Variants in ZNF692 observed in about 807,000 individuals in gnomAD.
The protein encoded by ZNF692 is zinc finger protein 692.
Under a neutral mutation model 49.0 loss-of-function variants are expected in ZNF692, and 41 were observed. The ratio of observed to expected loss-of-function variants is 0.84; its 90% CI spans 0.65 to 1.08. ZNF692 has a LOEUF of 1.08. Ranked by LOEUF, ZNF692 falls within the 50% of genes least tolerant of loss-of-function variation. The pLI, the probability that ZNF692 is intolerant of heterozygous loss-of-function variation, is 0.00. For missense variants in ZNF692, 662 were observed against 662.2 expected (o/e 1.00, Z 0.00); for synonymous variants, 288 against 251.5 (o/e 1.15, Z -1.37).
Position 248,858,049 on chromosome 1 carries a change from G to A in ZNF692, c.179+82C>T, listed in dbSNP as rs763689222. On this transcript the variant is annotated intron_variant, in intron 2 of 11. Coordinates refer to ENST00000306601, the MANE Select transcript of ZNF692 (RefSeq NM_017865.4). This position sits in a 1 kb window ranked among gnomAD's most constrained non-coding sequence, Gnocchi z 4.3. ...AAGTGAGAAACCTGAGGGTGGAAAA[G>A]AGCAGCAGGACAGGCCCTGGAGAGG... The A allele has an allele frequency of 3.9e-6, 6 of 1,550,468 alleles. No homozygotes were observed. The South Asian group carries it at 5.8e-5, about 15-fold the overall frequency.
chr1:248,855,585 G>A lies in ZNF692; in HGVS notation c.932C>T (p.Thr311Ile). 6.2e-7 allele frequency: 1 copy of A among 1,614,184 alleles called. No homozygotes were observed. Among genetic ancestry groups the A allele is most frequent in the Non-Finnish European group, 8.5e-7 (1 of 1,180,034 alleles). Residue 311 changes from threonine (T) to isoleucine (I), a missense_variant, in exon 8 of 12, where the codon ACT becomes ATT. Physicochemically the swap from Thr to Ile is moderately conservative, Grantham distance 89. Coordinates refer to ENST00000306601, the MANE Select transcript of ZNF692 (RefSeq NM_017865.4). Reference protein sequence around the residue: ...SAPTPAWDEDTAQIGPKRIRK... With the variant: ...SAPTPAWDEDIAQIGPKRIRK... ...AATTCTCTTGGGGCCAATTTGTGCA[G>A]TGTCCTCATCCCAGGCCGGGGTTGG...
At position 248,858,531 on chromosome 1, in the gene ZNF692, G is replaced by A; in HGVS notation, c.-12-210C>T. 6.4e-7 allele frequency: 1 copy of A among 1,551,764 alleles called. No homozygotes were observed. The highest frequency in any genetic ancestry group is 8.7e-7 in the Non-Finnish European group (1 of 1,147,004). On this transcript the variant is annotated intron_variant, in intron 1 of 11. Transcript: ENST00000306601. This position sits in a 1 kb window ranked among gnomAD's most constrained non-coding sequence, Gnocchi z 4.3. ...CGCTACCATGTGAGTGTCGTCGGGTGGGAGGCAGGCAGACAGAAGCAGTCA... is the reference window on the plus strand; with the variant it reads ...CGCTACCATGTGAGTGTCGTCGGGTAGGAGGCAGGCAGACAGAAGCAGTCA...
intron 10 of ZNF692, among the ~76,000 whole-genome samples, chr1:248,852,653 T>C (rs1009281568): frequency 6.6e-6 from 1 of 152,222 alleles, no homozygotes; most frequent in African/African-American, 2.4e-5. Context: ...TCTTGTCAGT[T>C]CCATCTTGTC....
At position 248,850,361 on chromosome 1, in the gene ZNF692, C is replaced by G. The variant is rs540006971; in HGVS notation, c.1409G>C (p.Ser470Thr). The change falls in exon 12 of 12, where the codon AGT becomes ACT. Residue 470 changes from serine to threonine, a missense_variant. By Grantham distance (58) the Ser-to-Thr change is moderately conservative. Transcript: ENST00000306601. The stretch of plus-strand genomic sequence containing the variant: ...AGGGGCTAGAAGCAGGGCTGGGTGA[C>G]TTTTGCTACGGTGGGCTGCAACACT... The part of the protein sequence containing the change: ...PDSVAAHRSK[S>T]HPALLLAPQE... 3 of 1,614,108 alleles carry G rather than the reference C, an allele frequency of 1.9e-6. No individual in the cohort carries two copies. In the African/African-American group the frequency reaches 4.0e-5, roughly 22 times the overall value.
Position 248,857,295 on chromosome 1 carries a change from G to C in ZNF692, c.414C>G (p.Ser138=). The C allele has an allele frequency of 6.2e-7, 1 of 1,614,168 alleles. No individual in the cohort carries two copies. The highest frequency in any genetic ancestry group is 8.5e-7 in the Non-Finnish European group (1 of 1,180,016). Residue 138 remains serine, a synonymous_variant, in exon 4 of 12, where the codon TCC becomes TCG. Transcript: ENST00000306601. ...PTPSEAPKPA[S]LPHTTRRSWC... ...AACTTCTCCGAGTAGTATGTGGAAGGGAGGCTGGCTTGGGTGCCTCTGAAG... is the reference window on the plus strand; with the variant it reads ...AACTTCTCCGAGTAGTATGTGGAAGCGAGGCTGGCTTGGGTGCCTCTGAAG...
rs753123887 is a variant in ZNF692, at chr1:248,850,245, A to C, written c.1525T>G (p.Ser509Ala). The change falls in exon 12 of 12, where the codon TCT becomes GCT. Residue 509 changes from serine (S) to alanine (A), a missense_variant. Transcript: ENST00000306601. ...GGAAGCAGGGTTGGAGCCTGAGGAGATGCAGAGGGCCTGGACCCCTCGCTG... is the reference window on the plus strand; with the variant it reads ...GGAAGCAGGGTTGGAGCCTGAGGAGCTGCAGAGGGCCTGGACCCCTCGCTG... Reference protein sequence around the residue: ...GSSEGSRPSASPQAPTLLPQQ With the variant: ...GSSEGSRPSAAPQAPTLLPQQ 2 of 1,556,914 alleles carry C rather than the reference A, an allele frequency of 1.3e-6. No individual in the cohort carries two copies. The highest frequency in any genetic ancestry group is 1.2e-5 in the South Asian group (1 of 82,758).
At chr1:248,854,173 C>T in intron 9 of ZNF692, 122 bp from the exon 10 acceptor site, 1 of 699,514 alleles carries the variant, frequency 1.4e-6, no homozygotes, top group Non-Finnish European at 2.5e-6. Flanking sequence ...CCCTGTGCCC[C>T]AGCAGTTCTC....
chr1:248,852,721 T>C (rs1196175138), intron 10 of ZNF692, among the ~76,000 whole-genome samples: 4 of 152,234 alleles, frequency 2.6e-5, no homozygotes, highest in Non-Finnish European at 5.9e-5. Flanking sequence ...ACATTTGGCC[T>C]GTCGCACTAG....
At chr1:248,857,207 C>G (rs1660341108) in intron 4 of ZNF692, 27 bp downstream of exon 4, 1 of 1,597,560 alleles carries the variant, frequency 6.3e-7, no homozygotes, top group Non-Finnish European at 8.5e-7. Context: ...TCCCTTTTCT[C>G]CATAACTCTG....
chr1:248,857,700 C>T, intron 3 of ZNF692, 128 bp downstream of exon 3: 5 of 1,496,654 alleles, frequency 3.3e-6, no homozygotes, highest in Non-Finnish European at 4.5e-6. Context: ...ATCAAACTAC[C>T]CTGTGCTCCC....
intron 10 of ZNF692, chr1:248,851,053 G>A (rs1659523248): frequency 1.7e-6 from 1 of 605,346 alleles, no homozygotes; most frequent in African/African-American, 1.8e-5. Context: ...ATGAACTCCT[G>A]ATGGAAGTGC....
rs369665168 is a variant in ZNF692 at position 248,850,771 on chromosome 1, G to C, written c.1164C>G (p.Asp388Glu). ...ACCGGGCGCAGAACTCACAGATGTA[G>C]TCCCGGGTGTCTGCAGGCATATGAG... ...EHMKLHSDTR[D>E]YICEFCARSF... Residue 388 changes from aspartate (D) to glutamate (E), a missense_variant, in exon 11 of 12, where the codon GAC becomes GAG. Transcript: ENST00000306601. 2 of 1,614,068 alleles carry C rather than the reference G, an allele frequency of 1.2e-6. No individual in the cohort carries two copies. The highest frequency in any genetic ancestry group is 2.7e-5 in the African/African-American group (2 of 75,004).
Position 248,852,129 on chromosome 1 carries a change from A to C in ZNF692, c.1154-1348T>G, listed in dbSNP as rs113922913. On this transcript the variant is annotated intron_variant, in intron 10 of 11. Coordinates refer to ENST00000306601, the MANE Select transcript of ZNF692 (RefSeq NM_017865.4). ...TTGGCCACTCTTTTCATCTAAAACC[A>C]CAAGTCTTAAGGCCGCCTTCTTGCC... is the stretch of plus-strand genomic sequence containing the variant. Among the ~76,000 whole-genome samples, 951 of 152,256 alleles carry C rather than the reference A, an allele frequency of 6.2e-3. 15 individuals are homozygous for C. The highest frequency in any genetic ancestry group is 0.022 in the African/African-American group (894 of 41,534).
At chr1:248,850,821 C>T (rs1166359803) in intron 10 of ZNF692, 40 bp from the exon 11 acceptor site, 2 of 1,586,122 alleles carry the variant, frequency 1.3e-6, no homozygotes, top group Non-Finnish European at 8.6e-7. Flanking sequence ...CTGCCCCCAC[C>T]CTGTGGCCCC....
chr1:248,856,481 A>G (rs756749278), intron 5 of ZNF692, 33 bp downstream of exon 5: 2 of 1,614,090 alleles, frequency 1.2e-6, no homozygotes, highest in South Asian at 2.2e-5. Flanking sequence ...CACCTATGCA[A>G]TTCCGCCTTT....
intron 10 of ZNF692, among the ~76,000 whole-genome samples, chr1:248,853,654 C>G (rs181889542): frequency 6.6e-5 from 10 of 152,358 alleles, no homozygotes; most frequent in Admixed American, 6.5e-4. Context: ...TTCTTCATAG[C>G]CCTGTATCAC....
At chr1:248,856,127 T>A in intron 6 of ZNF692, 161 bp downstream of exon 6, 1 of 1,301,264 alleles carries the variant, frequency 7.7e-7, no homozygotes, top group Non-Finnish European at 1.0e-6. Flanking sequence ...TCACCCCTTT[T>A]CACCCCCTCA....
intron 10 of ZNF692, among the ~76,000 whole-genome samples, chr1:248,853,711 G>T (rs965144548): frequency 1.3e-5 from 2 of 152,162 alleles, no homozygotes; most frequent in African/African-American, 2.4e-5. Flanking sequence ...TCTGTTCATT[G>T]CTGTACCCAG....
intron 9 of ZNF692, 168 bp from the exon 10 acceptor site, chr1:248,854,219 C>G: frequency 1.7e-6 from 1 of 598,612 alleles, no homozygotes. Flanking sequence ...GAGGCTCAGT[C>G]CTCACCTACA....
Sources: allele counts gnomAD v4.1 joint callset (sites outside exome capture counted in the v4.1 genomes callset), GRCh38; gene constraint gnomAD v4.1.1; non-coding constraint Gnocchi (gnomAD v3.1); transcripts MANE v1.5; gene names NCBI Gene and HGNC (gene_info 2026-07-23, HGNC 2026-07-21).